The following TDRD15 variants were observed in gnomAD, a reference collection of about 807,000 sequenced individuals.
TDRD15 encodes tudor domain-containing protein 15.
For missense variants in TDRD15, 1,416 were observed against 904.7 expected (o/e 1.57, Z -7.25); for synonymous variants, 503 against 314.5 (o/e 1.60, Z -6.34).
downstream of TDRD15, among the ~76,000 whole-genome samples, chr2:21,146,762 C>A (rs1406760447): frequency 2.6e-5 from 4 of 152,038 alleles, no homozygotes; most frequent in Non-Finnish European, 4.4e-5. Flanking sequence ...TATGAAGTAA[C>A]ATCTAGACAT....
intron 2 of TDRD15, among the ~76,000 whole-genome samples, chr2:21,130,983 C>T (rs911073359): frequency 2.6e-5 from 4 of 152,182 alleles, no homozygotes; most frequent in African/African-American, 9.6e-5. Flanking sequence ...CTGTGCAGAT[C>T]GACTCTAGGA....
chr2:21,135,815 G>A (rs1306372290), intron 3 of TDRD15, among the ~76,000 whole-genome samples: 1 of 152,006 alleles, frequency 6.6e-6, no homozygotes, highest in Non-Finnish European at 1.5e-5. Context: ...CCCTTCTGAT[G>A]TGGAATTCCC....
rs186919534 is a variant in TDRD15 at position 21,135,119 on chromosome 2, A to G, written c.-4+272A>G. 5.3e-3 allele frequency among the ~76,000 whole-genome samples: 773 copies of G among 146,206 alleles called. 2 individuals carry two copies. The highest frequency in any genetic ancestry group is 8.5e-3 in the Non-Finnish European group (562 of 66,502). On this transcript the variant is annotated intron_variant, in intron 3 of 3. Coordinates refer to ENST00000405799, the MANE Select transcript of TDRD15 (RefSeq NM_001306137.2). ...AAATTTTATATATAATATAAAATAT[A>G]TTATGTATTAAATATTATATATTTA...
intron 2 of TDRD15, among the ~76,000 whole-genome samples, chr2:21,129,451 A>G (rs1665677002): frequency 1.3e-5 from 2 of 152,148 alleles, no homozygotes; most frequent in African/African-American, 4.8e-5. Flanking sequence ...TTTCCTAGTG[A>G]CTAATGATGT....
At chr2:21,125,192 A>G (rs1252068814) in intron 1 of TDRD15, among the ~76,000 whole-genome samples, 1 of 150,136 alleles carries the variant, frequency 6.7e-6, no homozygotes, top group Admixed American at 6.6e-5. Flanking sequence ...TGAATGTGAG[A>G]GAAATCTTAA....
rs532994506 is a variant in TDRD15 at position 21,133,150 on chromosome 2, A to G, written c.-89-1612A>G. Among the ~76,000 whole-genome samples the G allele has an allele frequency of 2.0e-5, 3 of 152,288 alleles. No homozygotes were observed. The East Asian group carries it at 5.8e-4, about 29-fold the overall frequency. ...GTATATCCAGTTTTATTTTCATCAC[A>G]TCAGTGTCATTAACAAGGTGAATCT... On this transcript the variant is annotated intron_variant, in intron 2 of 3. Transcript: ENST00000405799.
intron 3 of TDRD15, among the ~76,000 whole-genome samples, chr2:21,136,818 TC>T (rs1665816332): frequency 6.6e-6 from 1 of 152,058 alleles, no homozygotes; most frequent in Admixed American, 6.6e-5. Context: ...AGTGATAAGG[TC>T]TGGATATACC....
intron 2 of TDRD15, among the ~76,000 whole-genome samples, chr2:21,132,511 A>G (rs1665738908): frequency 6.6e-6 from 1 of 152,010 alleles, no homozygotes; most frequent in East Asian, 1.9e-4. Flanking sequence ...TCAGATTTTT[A>G]TATGCTCTGG....
intron 2 of TDRD15, among the ~76,000 whole-genome samples, chr2:21,130,949 A>C (rs933781695): frequency 5.9e-5 from 9 of 152,200 alleles, no homozygotes; most frequent in Non-Finnish European, 4.4e-5. Flanking sequence ...AGGTACTCAT[A>C]AAATCACTTC....
chr2:21,142,140 T>G lies in TDRD15; in HGVS notation c.4673T>G (p.Val1558Gly), dbSNP rs755001189. 4 of 673,854 alleles carry G rather than the reference T, an allele frequency of 5.9e-6. No individual in the cohort carries two copies. The South Asian group carries it at 6.8e-5, about 11-fold the overall frequency. The allele number at this position is 673,854 out of a possible 1,614,324, so 41.7% of individuals were successfully genotyped here. ...AAAAAAATTTTATCAGATTTAATAG[T>G]ATTAATTACGAAAGAAGAAAAAAAA... ...KNKKILSDLI[V>G]LITKEEKKSP... The change falls in exon 4 of 4, where the codon GTA (valine) becomes GGA (glycine). Residue 1558 changes from valine (V) to glycine (G), a missense_variant. Transcript: ENST00000405799.
rs1351163037 is a variant in TDRD15, at chr2:21,143,402, T to C, written c.*130T>C. 9 of 456,156 alleles carry C rather than the reference T, an allele frequency of 2.0e-5. No homozygotes were observed. The East Asian group carries it at 2.7e-4, about 14-fold the overall frequency. 28.3% of individuals were successfully genotyped at this position (456,156 alleles called of 1,614,324 possible). A position where few individuals can be genotyped will look rare whatever the true frequency, so the allele number is the denominator to read the frequency against. Reference sequence around the variant, plus strand: ...AAGAGGAAAGATGTCTGTAAGAACCTCTTAAGGAAAATTCGTATTAGTAAA... The same window carrying C: ...AAGAGGAAAGATGTCTGTAAGAACCCCTTAAGGAAAATTCGTATTAGTAAA... On this transcript the variant is annotated 3_prime_UTR_variant, in exon 4 of 4. Transcript: ENST00000405799.
In TDRD15 at chr2:21,143,778, A is replaced by G. The variant is rs549063464; in HGVS notation, c.*506A>G. 6.6e-6 allele frequency among the ~76,000 whole-genome samples: 1 copy of G among 151,858 alleles called. No individual in the cohort carries two copies. The highest frequency in any genetic ancestry group is 1.9e-4 in the East Asian group (1 of 5,182). On this transcript the variant is annotated 3_prime_UTR_variant, in exon 4 of 4. Coordinates refer to ENST00000405799, the MANE Select transcript of TDRD15 (RefSeq NM_001306137.2). ...ATGTACTAACATCCAAATTGAAAAT[A>G]TGTTGCAGGAAAACTTACTAGAAAA... is the stretch of plus-strand genomic sequence containing the variant.
intron 2 of TDRD15, among the ~76,000 whole-genome samples, chr2:21,130,069 G>A (rs184069154): frequency 7.1e-4 from 108 of 152,202 alleles, no homozygotes; most frequent in Non-Finnish European, 1.4e-3. Context: ...TAATTCATAA[G>A]GACAGTACCC....
At chr2:21,145,512 C>CT (rs1666016105), downstream of TDRD15, among the ~76,000 whole-genome samples, 1 of 151,816 alleles carries the variant, frequency 6.6e-6, no homozygotes, top group Non-Finnish European at 1.5e-5. Flanking sequence ...CAGTGAATCA[C>CT]TAAGTGAGTT....
rs892382124 is a variant in TDRD15 at position 21,143,086 on chromosome 2, A to G, written c.5619A>G (p.Leu1873=). 13 of 696,398 alleles carry G rather than the reference A, an allele frequency of 1.9e-5. No homozygotes were observed. The African/African-American group carries it at 2.3e-4, about 12-fold the overall frequency. The allele number at this position is 696,398 out of a possible 1,614,324, so 43.1% of individuals were successfully genotyped here. A position where few individuals can be genotyped will look rare whatever the true frequency, so the allele number is the denominator to read the frequency against. The part of the protein sequence containing the change: ...EEAKIFFRDF[L]SKPDLVFQFR... ...CCAAAATCTTTTTTCGAGATTTCCT[A>G]AGTAAACCAGACTTAGTTTTTCAGT... The change falls in exon 4 of 4, where the codon CTA becomes CTG. Residue 1873 remains leucine (L), a synonymous_variant. Coordinates refer to ENST00000405799, the MANE Select transcript of TDRD15 (RefSeq NM_001306137.2).
rs771074454 is a variant in TDRD15 at position 21,140,675 on chromosome 2, T to G, written c.3208T>G (p.Leu1070Val). Residue 1070 changes from leucine to valine, a missense_variant, in exon 4 of 4, where the codon TTG becomes GTG. By Grantham distance (32) the Leu-to-Val change is conservative (BLOSUM62 1). Transcript: ENST00000405799. ...LRAISAQFPELLFTPMQAIKC... is the reference protein window; with the variant it reads ...LRAISAQFPEVLFTPMQAIKC... ...GGCCATTTCAGCTCAGTTTCCAGAG[T>G]TGTTGTTTACACCTATGCAAGCTAT... The G allele has an allele frequency of 8.4e-6, 6 of 714,868 alleles. No individual in the cohort carries two copies. Among genetic ancestry groups the G allele is most frequent in the Non-Finnish European group, 1.6e-5 (6 of 383,468 alleles). The allele number at this position is 714,868 out of a possible 1,614,324, so 44.3% of individuals were successfully genotyped here. A position where few individuals can be genotyped will look rare whatever the true frequency, so the allele number is the denominator to read the frequency against.
At position 21,143,307 on chromosome 2, in the gene TDRD15, C is replaced by G. The variant is rs149849149; in HGVS notation, c.*35C>G. 769 of 517,848 alleles carry G rather than the reference C, an allele frequency of 1.5e-3. 7 individuals are homozygous for G. Among genetic ancestry groups the G allele is most frequent in the African/African-American group, 0.014 (693 of 50,488 alleles). The allele number at this position is 517,848 out of a possible 1,614,324, so 32.1% of individuals were successfully genotyped here. ...TAAGCCTATTTTCCCATTGTTAGATCAAAATTGTTACAAAAAACAAAATAT... is the reference window on the plus strand; with the variant it reads ...TAAGCCTATTTTCCCATTGTTAGATGAAAATTGTTACAAAAAACAAAATAT... On this transcript the variant is annotated 3_prime_UTR_variant, in exon 4 of 4. Coordinates refer to ENST00000405799, the MANE Select transcript of TDRD15 (RefSeq NM_001306137.2).
At chr2:21,132,078 A>G (rs1039902917) in intron 2 of TDRD15, among the ~76,000 whole-genome samples, 23 of 152,290 alleles carry the variant, frequency 1.5e-4, no homozygotes, top group African/African-American at 5.1e-4. Flanking sequence ...GTGACGAAGC[A>G]AGCTGTGCTC....
Position 21,137,770 on chromosome 2 carries a change from A to T in TDRD15, c.303A>T (p.Arg101Ser). 2.8e-6 allele frequency: 2 copies of T among 716,710 alleles called. No homozygotes were observed. The highest frequency in any genetic ancestry group is 5.2e-6 in the Non-Finnish European group (2 of 384,554). 44.4% of individuals were successfully genotyped at this position (716,710 alleles called of 1,614,324 possible). A position where few individuals can be genotyped will look rare whatever the true frequency, so the allele number is the denominator to read the frequency against. ...VLLIDRGEEL[R>S]VAGPQIASAC... ...TCATAGATCGCGGAGAAGAACTAAG[A>T]GTTGCTGGTCCACAGATTGCTTCAG... The change falls in exon 4 of 4, where the codon AGA (arginine) becomes AGT (serine). Residue 101 changes from arginine to serine, a missense_variant. By Grantham distance (110) the Arg-to-Ser change is moderately radical (BLOSUM62 -1). Coordinates refer to ENST00000405799, the MANE Select transcript of TDRD15 (RefSeq NM_001306137.2).
Sources: allele counts gnomAD v4.1 joint callset (sites outside exome capture counted in the v4.1 genomes callset), GRCh38; gene constraint gnomAD v4.1.1; transcripts MANE v1.5; gene names NCBI Gene and HGNC (gene_info 2026-07-23, HGNC 2026-07-21).